The following BAZ1B variants were observed in gnomAD, a reference collection of about 807,000 sequenced individuals.
BAZ1B encodes the protein tyrosine-protein kinase BAZ1B.
BAZ1B carries 22 observed loss-of-function variants against 153.8 expected under a neutral mutation model. The observed-to-expected ratio is 0.14, with a 90% CI of 0.10 to 0.20. The LOEUF (loss-of-function observed/expected upper bound fraction) is 0.20, where lower values mean the gene tolerates loss of function less well. BAZ1B is among the 10% of genes least tolerant of loss of function. The probability of loss-of-function intolerance (pLI) is 1.00; values close to 1 mark genes in which losing one functional copy is unlikely to be tolerated. For missense variants in BAZ1B, 1,325 were observed against 1,799.3 expected (o/e 0.74, Z 4.77); for synonymous variants, 676 against 633.4 (o/e 1.07, Z -1.01).
chr7:73,452,615 G>T (rs1430590910), intron 13 of BAZ1B, among the ~76,000 whole-genome samples: 1 of 151,680 alleles, frequency 6.6e-6, no homozygotes, highest in Non-Finnish European at 1.5e-5. Flanking sequence ...CCAGCTACTC[G>T]GGAGACTGAG....
chr7:73,519,626 T>C (rs990254875), intron 1 of BAZ1B, among the ~76,000 whole-genome samples: 1 of 152,238 alleles, frequency 6.6e-6, no homozygotes, highest in South Asian at 2.1e-4. Context: ...AAACTCTTCA[T>C]ATATATATTT....
chr7:73,456,618 G>A (rs1161533914), intron 13 of BAZ1B, among the ~76,000 whole-genome samples: 1 of 152,104 alleles, frequency 6.6e-6, no homozygotes, highest in African/African-American at 2.4e-5. Flanking sequence ...ATATCCATTA[G>A]GATGGATACT....
chr7:73,498,415 G>C, intron 4 of BAZ1B, 82 bp downstream of exon 4: 2 of 1,308,930 alleles, frequency 1.5e-6, no homozygotes, highest in South Asian at 1.3e-5. Flanking sequence ...ACATTTAGTT[G>C]CTAGAGAACC....
rs551084515 is a variant in BAZ1B at position 73,458,501 on chromosome 7, C to T, written c.3432+1035G>A. On this transcript the variant is annotated intron_variant, in intron 13 of 19. Transcript: ENST00000339594. ...GACCAACCTAGCCAACATGGTGAAA[C>T]CCCGTCTCTACAAAAAATACAAAAA... Among the ~76,000 whole-genome samples the T allele has an allele frequency of 6.5e-4, 98 of 151,878 alleles. No individual in the cohort carries two copies. The Middle Eastern group carries it at 0.014, about 21-fold the overall frequency.
chr7:73,493,624 T>C (rs1408935123), intron 4 of BAZ1B, among the ~76,000 whole-genome samples: 1 of 151,916 alleles, frequency 6.6e-6, no homozygotes, highest in Non-Finnish European at 1.5e-5. Flanking sequence ...GCAGATCCCC[T>C]GAGTCCAGGA....
chr7:73,510,281 T>C (rs1790525942), intron 2 of BAZ1B, among the ~76,000 whole-genome samples: 1 of 151,802 alleles, frequency 6.6e-6, no homozygotes, highest in Non-Finnish European at 1.5e-5. Flanking sequence ...TACAAAAAAT[T>C]ATCCGGGCTT....
At chr7:73,518,948 T>C (rs35492548) in intron 1 of BAZ1B, among the ~76,000 whole-genome samples, 1,721 of 152,266 alleles carry the variant, frequency 0.011, 18 homozygotes, top group Non-Finnish European at 0.019. Context: ...TATCTTGACT[T>C]AAATACAGTC....
intron 11 of BAZ1B, 78 bp from the exon 12 acceptor site, chr7:73,463,177 G>T: frequency 1.2e-5 from 16 of 1,287,980 alleles, no homozygotes; most frequent in East Asian, 5.2e-5. Flanking sequence ...TACTTAACAT[G>T]TTTTATTTCT....
chr7:73,502,560 C>A (rs1024511804), intron 3 of BAZ1B, among the ~76,000 whole-genome samples: 8 of 151,814 alleles, frequency 5.3e-5, no homozygotes, highest in South Asian at 2.1e-4. Context: ...CTTGGTGAAA[C>A]CCCATCTCTA....
At chr7:73,470,805 G>A (rs891249658) in intron 7 of BAZ1B, among the ~76,000 whole-genome samples, 6 of 152,140 alleles carry the variant, frequency 3.9e-5, no homozygotes, top group South Asian at 2.1e-4. Context: ...GTGCGATCTC[G>A]GCTCACTGCA....
At chr7:73,514,465 G>A (rs1410933378) in intron 1 of BAZ1B, among the ~76,000 whole-genome samples, 4 of 151,652 alleles carry the variant, frequency 2.6e-5, no homozygotes, top group African/African-American at 7.3e-5. Flanking sequence ...CCTTGGAGAC[G>A]GAGGTCGCAG....
intron 3 of BAZ1B, among the ~76,000 whole-genome samples, chr7:73,503,090 G>A (rs929915722): frequency 2.0e-5 from 3 of 151,972 alleles, no homozygotes; most frequent in South Asian, 2.1e-4. Flanking sequence ...GATTTCCTGC[G>A]GCAAAACTGA....
chr7:73,517,913 A>G (rs1219941463), intron 1 of BAZ1B, among the ~76,000 whole-genome samples: 2 of 152,188 alleles, frequency 1.3e-5, no homozygotes, highest in East Asian at 3.8e-4. Flanking sequence ...TGTGGCCCAG[A>G]TAAGTATAGA....
rs1032185361 is a variant in BAZ1B at position 73,492,383 on chromosome 7, C to T, written c.693+417G>A. On this transcript the variant is annotated intron_variant, in intron 5 of 19. Coordinates refer to ENST00000339594, the MANE Select transcript of BAZ1B (RefSeq NM_032408.4). Reference sequence around the variant, plus strand: ...TTCACCATGTTAGCCGGGATGGTCTCGATCTCCTGACCTCATGATCCGCCC... The same window carrying T: ...TTCACCATGTTAGCCGGGATGGTCTTGATCTCCTGACCTCATGATCCGCCC... Among the ~76,000 whole-genome samples the T allele has an allele frequency of 9.2e-5, 14 of 151,872 alleles. 1 individual carries two copies. The highest frequency in any genetic ancestry group is 8.5e-4 in the Admixed American group (13 of 15,234).
At position 73,476,880 on chromosome 7, in the gene BAZ1B, T is replaced by C. The variant is rs1554572867; in HGVS notation, c.2581A>G (p.Arg861Gly). Residue 861 changes from arginine to glycine, a missense_variant, in exon 7 of 20, where the codon AGA (arginine) becomes GGA (glycine). Arg to Gly is a moderately radical substitution (Grantham distance 125). This residue lies in a region of BAZ1B where 431 missense variants were observed against 563.5 expected (regional missense o/e 0.76). Coordinates refer to ENST00000339594, the MANE Select transcript of BAZ1B (RefSeq NM_032408.4). ...CATGAAATTTTACCTTTCATTTCTCTTTCCTGGATTTCCCGTTCCTTCTTA... is the reference window on the plus strand; with the variant it reads ...CATGAAATTTTACCTTTCATTTCTCCTTCCTGGATTTCCCGTTCCTTCTTA... ...QAKKEREIQEREMKVKLERQA... is the reference protein window; with the variant it reads ...QAKKEREIQEGEMKVKLERQA... 6.3e-7 allele frequency: 1 copy of C among 1,590,668 alleles called. No homozygotes were observed. Among genetic ancestry groups the C allele is most frequent in the East Asian group, 2.2e-5 (1 of 44,738 alleles).
Position 73,477,417 on chromosome 7 carries a change from G to A in BAZ1B, c.2044C>T (p.Pro682Ser). 6.2e-7 allele frequency: 1 copy of A among 1,614,206 alleles called. No individual in the cohort carries two copies. Among genetic ancestry groups the A allele is most frequent in the Non-Finnish European group, 8.5e-7 (1 of 1,180,040 alleles). ...GELGMKLSEI[P>S]LTLHSVSELV... ...TCTGAAACAGAATGCAGAGTCAAGG[G>A]GATTTCCGACAGCTTCATTCCCAAT... Residue 682 changes from proline (P) to serine (S), a missense_variant, in exon 7 of 20, where the codon CCC (proline) becomes TCC (serine). By Grantham distance (74) the Pro-to-Ser change is moderately conservative (BLOSUM62 -1). Coordinates refer to ENST00000339594, the MANE Select transcript of BAZ1B (RefSeq NM_032408.4). The surrounding 1 kb of genome is among the most constrained non-coding windows in gnomAD (Gnocchi z 5.6).
intron 7 of BAZ1B, 97 bp from the exon 8 acceptor site, chr7:73,470,580 G>T: frequency 1.4e-6 from 2 of 1,380,342 alleles, no homozygotes; most frequent in Non-Finnish European, 2.0e-6. Context: ...CTAGTATACA[G>T]TAGTTATCAA....
At chr7:73,498,283 T>C (rs1170835973) in intron 4 of BAZ1B, among the ~76,000 whole-genome samples, 3 of 152,122 alleles carry the variant, frequency 2.0e-5, no homozygotes, top group Non-Finnish European at 4.4e-5. Context: ...TCTAAGCAAC[T>C]AGAGGAAACG....
intron 9 of BAZ1B, among the ~76,000 whole-genome samples, chr7:73,468,232 T>C (rs1205694868): frequency 6.6e-6 from 1 of 152,198 alleles, no homozygotes; most frequent in Non-Finnish European, 1.5e-5. Context: ...TTATGGATCA[T>C]TTAACCTAGT....
Sources: allele counts gnomAD v4.1 joint callset (sites outside exome capture counted in the v4.1 genomes callset), GRCh38; gene constraint gnomAD v4.1.1; regional missense constraint gnomAD v4.1.1; non-coding constraint Gnocchi (gnomAD v3.1); transcripts MANE v1.5; gene names NCBI Gene and HGNC (gene_info 2026-07-23, HGNC 2026-07-21).